PDE9A: variants seen among roughly 807,000 people sequenced by gnomAD.
The protein encoded by PDE9A is phosphodiesterase 9A.
PDE9A carries 60 observed loss-of-function variants against 87.4 expected under a neutral mutation model. That is an observed-to-expected ratio of 0.69 (90% CI 0.56 to 0.85). The LOEUF is 0.85. PDE9A is among the 40% of genes least tolerant of loss of function. PDE9A has a pLI of 0.00. For synonymous variants in PDE9A, 272 were observed against 279.4 expected (o/e 0.97, Z 0.27); for missense variants, 665 against 779.0 (o/e 0.85, Z 1.74).
chr21:42,661,823 T>C (rs2057522298), intron 1 of PDE9A, among the ~76,000 whole-genome samples: 1 of 152,226 alleles, frequency 6.6e-6, no homozygotes, highest in Admixed American at 6.5e-5. Context: ...GCTGTGTGCA[T>C]GTCTGTGGTG....
intron 10 of PDE9A, 136 bp from the exon 11 acceptor site, chr21:42,758,863 A>G: frequency 1.6e-6 from 1 of 629,728 alleles, no homozygotes; most frequent in Non-Finnish European, 2.9e-6. Context: ...CTCTCCAGGG[A>G]CTTTCTGGGA....
chr21:42,743,909 C>G (rs2053574318), intron 8 of PDE9A, 49 bp downstream of exon 8: 1 of 1,081,218 alleles, frequency 9.2e-7, no homozygotes, highest in Non-Finnish European at 1.4e-6. Context: ...GGAGGGCTCC[C>G]CGTACCAGTT....
chr21:42,731,611 C>G, intron 4 of PDE9A, 159 bp from the exon 5 acceptor site: 2 of 718,756 alleles, frequency 2.8e-6, no homozygotes, highest in Non-Finnish European at 4.6e-6. Flanking sequence ...TGGACCCAGG[C>G]CTGCCTCCCC....
In PDE9A at chr21:42,722,329, C is replaced by T. The variant is rs891814973; in HGVS notation, c.263-9441C>T. Among the ~76,000 whole-genome samples the T allele has an allele frequency of 2.6e-5, 4 of 152,152 alleles. No homozygotes were observed. The highest frequency in any genetic ancestry group is 6.6e-5 in the Admixed American group (1 of 15,264). Reference sequence around the variant, plus strand: ...AAGTGTCTGCTAAGTATGTATTCACCGGAGGGTGCTCAGCACCTCGCCCTG... The same window carrying T: ...AAGTGTCTGCTAAGTATGTATTCACTGGAGGGTGCTCAGCACCTCGCCCTG... On this transcript the variant is annotated intron_variant, in intron 4 of 19. Transcript: ENST00000291539. This position sits in a 1 kb window ranked among gnomAD's most constrained non-coding sequence, Gnocchi z 4.1.
Position 42,675,484 on chromosome 21 carries a change from T to C in PDE9A, c.70-10708T>C, listed in dbSNP as rs2058799738. Among the ~76,000 whole-genome samples the C allele has an allele frequency of 1.3e-5, 2 of 152,186 alleles. No homozygotes were observed. Among genetic ancestry groups the C allele is most frequent in the Non-Finnish European group, 2.9e-5 (2 of 68,024 alleles). ...CCTGGCACTTAATAAATGCTCTTATTAGTATGTTTATCTTCATTATGTCCC... is the reference window on the plus strand; with the variant it reads ...CCTGGCACTTAATAAATGCTCTTATCAGTATGTTTATCTTCATTATGTCCC... On this transcript the variant is annotated intron_variant, in intron 1 of 19. Transcript: ENST00000291539. The surrounding 1 kb of genome is among the most constrained non-coding windows in gnomAD (Gnocchi z 4.3).
chr21:42,732,806 C>G (rs975776233), intron 6 of PDE9A, among the ~76,000 whole-genome samples: 1 of 152,124 alleles, frequency 6.6e-6, no homozygotes, highest in Non-Finnish European at 1.5e-5. Context: ...CCCAGCTACC[C>G]GGGAGGCTGA....
chr21:42,671,254 C>T (rs964691681), intron 1 of PDE9A, among the ~76,000 whole-genome samples: 9 of 152,180 alleles, frequency 5.9e-5, no homozygotes, highest in African/African-American at 1.9e-4. Flanking sequence ...CGCTTTCCTC[C>T]TGCTCTTGTG....
At chr21:42,774,295 T>G (rs947698428) in intron 19 of PDE9A, among the ~76,000 whole-genome samples, 1 of 152,064 alleles carries the variant, frequency 6.6e-6, no homozygotes, top group Admixed American at 6.5e-5. Flanking sequence ...ACACACCTGG[T>G]TTTGAGTCCA....
chr21:42,696,279 G>A lies in PDE9A; in HGVS notation c.219-2689G>A, dbSNP rs560564221. Among the ~76,000 whole-genome samples the A allele has an allele frequency of 2.6e-5, 4 of 152,268 alleles. No homozygotes were observed. Among genetic ancestry groups the A allele is most frequent in the African/African-American group, 7.2e-5 (3 of 41,556 alleles). ...GACACGCCTCTCTGGCTCTGTCCCC[G>A]CCGGCACTGTGTGGGATCCATGCTG... On this transcript the variant is annotated intron_variant, in intron 3 of 19. Coordinates refer to ENST00000291539, the MANE Select transcript of PDE9A (RefSeq NM_002606.3). The surrounding 1 kb of genome is among the most constrained non-coding windows in gnomAD (Gnocchi z 5.1).
Position 42,660,744 on chromosome 21 carries a change from T to G in PDE9A, c.69+6861T>G, listed in dbSNP as rs529431980. Among the ~76,000 whole-genome samples the G allele has an allele frequency of 2.6e-5, 4 of 152,050 alleles. No homozygotes were observed. Among genetic ancestry groups the G allele is most frequent in the Non-Finnish European group, 5.9e-5 (4 of 68,038 alleles). ...TGGCACTGCGGGCACAGTCATGCCATGGGCACCAGGGACGCCCAGTGCACT... is the reference window on the plus strand; with the variant it reads ...TGGCACTGCGGGCACAGTCATGCCAGGGGCACCAGGGACGCCCAGTGCACT... On this transcript the variant is annotated intron_variant, in intron 1 of 19. Transcript: ENST00000291539. The surrounding 1 kb of genome is among the most constrained non-coding windows in gnomAD (Gnocchi z 4.7).
chr21:42,729,973 TCTG>T (rs1277574822), intron 4 of PDE9A, among the ~76,000 whole-genome samples: 1 of 152,214 alleles, frequency 6.6e-6, no homozygotes, highest in Admixed American at 6.5e-5. Context: ...AACATAGCAC[TCTG>T]CTGCTGTTGG....
rs200142119 is a variant in PDE9A, at chr21:42,722,085, C to T, written c.263-9685C>T. Among the ~76,000 whole-genome samples, 1 of 151,980 alleles carries T rather than the reference C, an allele frequency of 6.6e-6. No individual in the cohort carries two copies. Among genetic ancestry groups the T allele is most frequent in the Non-Finnish European group, 1.5e-5 (1 of 67,996 alleles). On this transcript the variant is annotated intron_variant, in intron 4 of 19. Transcript: ENST00000291539. This position sits in a 1 kb window ranked among gnomAD's most constrained non-coding sequence, Gnocchi z 4.1. ...CCGACTCCCTGGTTCAAGTGATTCT[C>T]CTGCCTCAGCCTCCCGAGTAGCTGG...
chr21:42,680,071 C>T (rs935882507), intron 1 of PDE9A, among the ~76,000 whole-genome samples: 2 of 152,210 alleles, frequency 1.3e-5, no homozygotes, highest in East Asian at 1.9e-4. Flanking sequence ...CCTGGGCTCT[C>T]GCAGCCTGCA....
rs886865491 is a variant in PDE9A, at chr21:42,704,201, C to T, written c.262+5190C>T. Among the ~76,000 whole-genome samples, 6 of 152,154 alleles carry T rather than the reference C, an allele frequency of 3.9e-5. No homozygotes were observed. The highest frequency in any genetic ancestry group is 1.3e-4 in the Admixed American group (2 of 15,286). ...AGGCTGGGTGTCCCTCCGGGCCAGCCGAGGAGCGCTGCGCTTATTCCGCAG... is the reference window on the plus strand; with the variant it reads ...AGGCTGGGTGTCCCTCCGGGCCAGCTGAGGAGCGCTGCGCTTATTCCGCAG... On this transcript the variant is annotated intron_variant, in intron 4 of 19. Coordinates refer to ENST00000291539, the MANE Select transcript of PDE9A (RefSeq NM_002606.3). This position sits in a 1 kb window ranked among gnomAD's most constrained non-coding sequence, Gnocchi z 5.3.
intron 1 of PDE9A, among the ~76,000 whole-genome samples, chr21:42,679,368 G>A (rs926049961): frequency 4.7e-4 from 65 of 139,006 alleles, no homozygotes; most frequent in Non-Finnish European, 2.7e-4. Context: ...CTGAAATCAC[G>A]CCTCGCGTTC....
intron 1 of PDE9A, among the ~76,000 whole-genome samples, chr21:42,673,067 A>G (rs1313177105): frequency 6.6e-6 from 1 of 152,188 alleles, no homozygotes; most frequent in Non-Finnish European, 1.5e-5. Context: ...CGGAGTAAGT[A>G]ATGTGTAGCG....
intron 15 of PDE9A, 54 bp from the exon 16 acceptor site, chr21:42,768,123 CGAGCAGCAGCA>C (rs1013967520): frequency 4.2e-6 from 4 of 951,474 alleles, no homozygotes; most frequent in Admixed American, 1.8e-5. Context: ...AGTCCAGACC[CGAGCAGCAGCA>C]GCAGGCCCGT....
At chr21:42,688,665 G>A (rs1340130613) in intron 3 of PDE9A, among the ~76,000 whole-genome samples, 3 of 152,198 alleles carry the variant, frequency 2.0e-5, no homozygotes, top group Non-Finnish European at 4.4e-5. Flanking sequence ...CTCATGAGGC[G>A]AGGGAGCAGG....
chr21:42,720,135 G>A (rs185863445), intron 4 of PDE9A, among the ~76,000 whole-genome samples: 10 of 152,280 alleles, frequency 6.6e-5, no homozygotes, highest in Admixed American at 6.5e-4. Flanking sequence ...CCAGCTGGTG[G>A]CTCCCAAATT....
Sources: gnomAD v4.1 joint callset for allele counts (sites outside exome capture counted in the v4.1 genomes callset) on GRCh38, gnomAD v4.1.1 for gene constraint, Gnocchi (gnomAD v3.1) non-coding constraint, MANE v1.5 for transcripts, NCBI Gene and HGNC (gene_info 2026-07-23, HGNC 2026-07-21) for gene names.